Variants in PTPN1 observed in about 807,000 individuals in gnomAD.
The protein encoded by PTPN1 is protein tyrosine phosphatase non-receptor type 1.
PTPN1 carries 12 observed loss-of-function variants against 59.9 expected under a neutral mutation model. That is an observed-to-expected ratio of 0.20 (90% CI 0.13 to 0.32). PTPN1 has a LOEUF of 0.32. Ranked by LOEUF, PTPN1 falls within the 10% of genes least tolerant of loss-of-function variation. PTPN1 has a pLI of 1.00. For missense variants in PTPN1, 356 were observed against 549.2 expected (o/e 0.65, Z 3.52); for synonymous variants, 178 against 203.6 (o/e 0.87, Z 1.07).
chr20:50,542,077 A>G (rs1268592149), intron 1 of PTPN1, among the ~76,000 whole-genome samples: 1 of 152,232 alleles, frequency 6.6e-6, no homozygotes, highest in African/African-American at 2.4e-5. Context: ...TACCTGACCC[A>G]TCAACACTTG....
At chr20:50,511,116 A>C (rs1025279777) in intron 1 of PTPN1, among the ~76,000 whole-genome samples, 2 of 151,888 alleles carry the variant, frequency 1.3e-5, no homozygotes, top group African/African-American at 2.4e-5. Context: ...CATTTATTGG[A>C]TAGGAGTTGG....
Position 50,582,591 on chromosome 20 carries a change from G to A in PTPN1, c.1285-101G>A, listed in dbSNP as rs573067211. ...AAACCAAAACCCCCTTTGCTCCCTC[G>A]GAGGTTGAAGTTGCCGGGGGGTGTG... On this transcript the variant is annotated intron_variant, in intron 9 of 9. Coordinates refer to ENST00000371621, the MANE Select transcript of PTPN1 (RefSeq NM_002827.4). The surrounding 1 kb of genome is among the most constrained non-coding windows in gnomAD (Gnocchi z 4.2). The A allele has an allele frequency of 3.2e-5, 40 of 1,237,854 alleles. No individual in the cohort carries two copies. In the South Asian group the frequency reaches 4.8e-4, roughly 15 times the overall value. The allele number at this position is 1,237,854 out of a possible 1,614,324, so 76.7% of individuals were successfully genotyped here. A position where few individuals can be genotyped will look rare whatever the true frequency, so the allele number is the denominator to read the frequency against.
At chr20:50,531,843 C>T (rs1405305607) in intron 1 of PTPN1, among the ~76,000 whole-genome samples, 2 of 152,214 alleles carry the variant, frequency 1.3e-5, no homozygotes, top group Non-Finnish European at 2.9e-5. Context: ...TTACCATCCT[C>T]TCCCCGCTAG....
intron 2 of PTPN1, among the ~76,000 whole-genome samples, chr20:50,561,672 A>G (rs909450106): frequency 2.0e-5 from 3 of 152,210 alleles, no homozygotes; most frequent in African/African-American, 7.2e-5. Context: ...TGGAAAATTC[A>G]GTGAAGTTCA....
intron 8 of PTPN1, among the ~76,000 whole-genome samples, chr20:50,580,199 C>T (rs991317348): frequency 2.6e-5 from 4 of 151,990 alleles, no homozygotes; most frequent in African/African-American, 9.7e-5. Flanking sequence ...CTCGGAGCCA[C>T]CGAGTAGGGT....
intron 1 of PTPN1, among the ~76,000 whole-genome samples, chr20:50,524,204 T>TGTAG (rs1338814012): frequency 6.6e-6 from 1 of 152,142 alleles, no homozygotes; most frequent in Non-Finnish European, 1.5e-5. Flanking sequence ...AAGGCATCTG[T>TGTAG]GTAGGTGTCT....
intron 1 of PTPN1, among the ~76,000 whole-genome samples, chr20:50,553,338 A>G (rs1396789027): frequency 1.3e-5 from 2 of 152,202 alleles, no homozygotes; most frequent in Non-Finnish European, 2.9e-5. Flanking sequence ...TTGGGGTTCA[A>G]AGGAGGCTGA....
chr20:50,582,549 G>T lies in PTPN1; in HGVS notation c.1285-143G>T. The T allele has an allele frequency of 1.3e-6, 1 of 782,322 alleles. No individual in the cohort carries two copies. Among genetic ancestry groups the T allele is most frequent in the Non-Finnish European group, 2.1e-6 (1 of 484,730 alleles). The allele number at this position is 782,322 out of a possible 1,614,324, so 48.5% of individuals were successfully genotyped here. ...TTGGGGATGATTTTTGGGGAGAGGGGGCTACTGTAAAAAATAAAACCAAAA... is the reference window on the plus strand; with the variant it reads ...TTGGGGATGATTTTTGGGGAGAGGGTGCTACTGTAAAAAATAAAACCAAAA... On this transcript the variant is annotated intron_variant, in intron 9 of 9. Transcript: ENST00000371621. The surrounding 1 kb of genome is among the most constrained non-coding windows in gnomAD (Gnocchi z 4.2).
chr20:50,559,119 C>T (rs1302927797), intron 1 of PTPN1, among the ~76,000 whole-genome samples: 1 of 150,892 alleles, frequency 6.6e-6, no homozygotes, highest in Middle Eastern at 3.2e-3. Context: ...GCAACCTCCA[C>T]CTCCTGGGTT....
chr20:50,523,123 AT>A (rs2082558506), intron 1 of PTPN1, among the ~76,000 whole-genome samples: 1 of 151,990 alleles, frequency 6.6e-6, no homozygotes. Flanking sequence ...GGATTTGGTG[AT>A]TTATCGAATG....
At position 50,512,509 on chromosome 20, in the gene PTPN1, GTTC is replaced by G. The variant is rs1405665727; in HGVS notation, c.63+1922_63+1924del. Reference sequence around the variant, plus strand: ...CAGTCTTCAATTCATTTCCTTCATTGTTCTTAAGTTTTTCTGCCACAATTAAAC... The same window carrying G: ...CAGTCTTCAATTCATTTCCTTCATTGTTAAGTTTTTCTGCCACAATTAAAC... On this transcript the variant is annotated intron_variant, in intron 1 of 9. Transcript: ENST00000371621. Among the ~76,000 whole-genome samples, 3 of 152,100 alleles carry G rather than the reference GTTC, an allele frequency of 2.0e-5. No individual in the cohort carries two copies. The East Asian group carries it at 5.8e-4, about 29-fold the overall frequency.
chr20:50,558,456 T>C (rs1006176376), intron 1 of PTPN1, among the ~76,000 whole-genome samples: 1 of 152,254 alleles, frequency 6.6e-6, no homozygotes, highest in Non-Finnish European at 1.5e-5. Context: ...CAAAATCCAA[T>C]GTGTATTTTA....
At chr20:50,574,153 A>G (rs1033222953) in intron 4 of PTPN1, 9 of 179,144 alleles carry the variant, frequency 5.0e-5, no homozygotes, top group African/African-American at 1.7e-4. Flanking sequence ...CAGCCTGATC[A>G]GGTCCTGGGT....
At position 50,554,748 on chromosome 20, in the gene PTPN1, G is replaced by A. The variant is rs559861109; in HGVS notation, c.64-6615G>A. ...CACTATTATTTGAAAGTAGACCATCGTGAATTCGATGCATATTGTAAACCA... is the reference window on the plus strand; with the variant it reads ...CACTATTATTTGAAAGTAGACCATCATGAATTCGATGCATATTGTAAACCA... On this transcript the variant is annotated intron_variant, in intron 1 of 9. Transcript: ENST00000371621. 6.2e-4 allele frequency among the ~76,000 whole-genome samples: 94 copies of A among 152,174 alleles called. 1 individual carries two copies. In the South Asian group the frequency reaches 0.017, roughly 28 times the overall value.
intron 8 of PTPN1, 102 bp downstream of exon 8, chr20:50,580,028 G>GAAGCGCTGCTTGC: frequency 9.3e-7 from 1 of 1,075,856 alleles, no homozygotes; most frequent in Non-Finnish European, 1.4e-6. Context: ...CCTCCTGTTG[G>GAAGCGCTGCTTGC]CAAGCAGCGC....
At chr20:50,548,983 G>A (rs1240182854) in intron 1 of PTPN1, among the ~76,000 whole-genome samples, 2 of 152,198 alleles carry the variant, frequency 1.3e-5, no homozygotes, top group African/African-American at 2.4e-5. Flanking sequence ...CTCCCAAAGT[G>A]CTGGGATTAC....
intron 1 of PTPN1, among the ~76,000 whole-genome samples, chr20:50,538,941 G>C (rs1185939055): frequency 6.7e-6 from 1 of 150,070 alleles, no homozygotes; most frequent in Admixed American, 6.6e-5. Context: ...GGACATAGCT[G>C]TAGTATAGAG....
chr20:50,574,922 T>C (rs2082828683), intron 5 of PTPN1: 1 of 391,618 alleles, frequency 2.6e-6, no homozygotes, highest in Admixed American at 5.0e-5. Flanking sequence ...AAAAGACTGG[T>C]TCCTGCTTGT....
At chr20:50,548,954 G>A (rs1407249539) in intron 1 of PTPN1, among the ~76,000 whole-genome samples, 3 of 152,218 alleles carry the variant, frequency 2.0e-5, no homozygotes, top group African/African-American at 7.2e-5. Context: ...GTGACCTGAA[G>A]TGATCCGCCC....
Sources: allele counts gnomAD v4.1 joint callset (sites outside exome capture counted in the v4.1 genomes callset), GRCh38; gene constraint gnomAD v4.1.1; non-coding constraint Gnocchi (gnomAD v3.1); transcripts MANE v1.5; gene names NCBI Gene and HGNC (gene_info 2026-07-23, HGNC 2026-07-21).